The following TTK variants were observed in gnomAD, a reference collection of about 807,000 sequenced individuals.
TTK encodes dual specificity protein kinase TTK.
A neutral mutation model predicts 117.3 loss-of-function variants in TTK; 59 were observed. The ratio of observed to expected loss-of-function variants is 0.50; its 90% CI spans 0.41 to 0.62. The LOEUF is 0.62. Ranked by LOEUF, TTK falls within the 20% of genes least tolerant of loss-of-function variation. The pLI, the probability that TTK is intolerant of heterozygous loss-of-function variation, is 0.00. For missense variants in TTK, 921 were observed against 989.4 expected, an observed-to-expected ratio of 0.93 and a Z score of 0.93; for synonymous variants, 302 against 325.0, an observed-to-expected ratio of 0.93 and a Z score of 0.76.
chr6:80,026,661 T>C, intron 12 of TTK, 147 bp downstream of exon 12: 2 of 1,214,184 alleles, frequency 1.6e-6, no homozygotes, highest in South Asian at 2.9e-5. Context: ...ATCAGTGTTT[T>C]CATCTATAAA....
Position 80,035,011 on chromosome 6 carries a change from A to T in TTK, c.1641A>T (p.Lys547Asn). The change falls in exon 15 of 22, where the codon AAA becomes AAT. Residue 547 changes from lysine (K) to asparagine (N), a missense_variant. Physicochemically the swap from Lys to Asn is moderately conservative, Grantham distance 94. Transcript: ENST00000369798. ...TATTTCAGGTGTTAAATGAAAAGAA[A>T]CAGATATATGCTATAAAATATGTGA... ...SKVFQVLNEK[K>N]QIYAIKYVNL... The T allele has an allele frequency of 6.3e-7, 1 of 1,575,518 alleles. No homozygotes were observed. The highest frequency in any genetic ancestry group is 8.6e-7 in the Non-Finnish European group (1 of 1,167,512).
intron 14 of TTK, among the ~76,000 whole-genome samples, chr6:80,033,688 C>T (rs185407364): frequency 6.6e-6 from 1 of 152,200 alleles, no homozygotes; most frequent in Non-Finnish European, 1.5e-5. Flanking sequence ...CTGTAATTTC[C>T]TAATCCCACT....
Position 80,035,149 on chromosome 6 carries a change from A to C in TTK, c.1772+7A>C. The C allele has an allele frequency of 6.5e-7, 1 of 1,545,494 alleles. No homozygotes were observed. Among genetic ancestry groups the C allele is most frequent in the Non-Finnish European group, 8.7e-7 (1 of 1,151,878 alleles). On this transcript the variant is annotated splice_region_variant and intron_variant, in intron 15 of 21. Coordinates refer to ENST00000369798, the MANE Select transcript of TTK (RefSeq NM_003318.5). ...TCATCCGACTTTATGATTAGTAAGAATTCTTTTTAAATTTAAAAAGAAAAC... is the reference window on the plus strand; with the variant it reads ...TCATCCGACTTTATGATTAGTAAGACTTCTTTTTAAATTTAAAAAGAAAAC...
rs55951238 is a variant in TTK, at chr6:80,035,118, A to C, written c.1748A>C (p.Asp583Ala). The change falls in exon 15 of 22, where the codon GAT becomes GCT. Residue 583 changes from aspartate (D) to alanine (A), a missense_variant. Physicochemically the swap from Asp to Ala is moderately radical, Grantham distance 126 (BLOSUM62 -2). Coordinates refer to ENST00000369798, the MANE Select transcript of TTK (RefSeq NM_003318.5). ...AYLNKLQQHS[D>A]KIIRLYDYEI... ...TTGAATAAACTACAACAACACAGTG[A>C]TAAGATCATCCGACTTTATGATTAG... is the stretch of plus-strand genomic sequence containing the variant. 1.3e-6 allele frequency: 2 copies of C among 1,570,578 alleles called. No homozygotes were observed. The highest frequency in any genetic ancestry group is 4.5e-5 in the East Asian group (2 of 44,202).
chr6:80,013,489 A>G (rs1018137534), intron 9 of TTK, 123 bp downstream of exon 9: 2 of 733,974 alleles, frequency 2.7e-6, no homozygotes, highest in African/African-American at 1.9e-5. Context: ...AGTGTTCCAC[A>G]TACCCCAAGA....
At chr6:80,021,320 G>T (rs1347992056) in intron 10 of TTK, among the ~76,000 whole-genome samples, 1 of 152,192 alleles carries the variant, frequency 6.6e-6, no homozygotes, top group Non-Finnish European at 1.5e-5. Context: ...TCCTGCGTTG[G>T]CCTGGTAGCC....
At position 80,035,262 on chromosome 6, in the gene TTK, G is replaced by A. The variant is rs2127682443; in HGVS notation, c.1773-4G>A. 2 of 1,580,482 alleles carry A rather than the reference G, an allele frequency of 1.3e-6. No homozygotes were observed. The highest frequency in any genetic ancestry group is 1.7e-4 in the Middle Eastern group (1 of 5,876). On this transcript the variant is annotated splice_region_variant and splice_polypyrimidine_tract_variant and intron_variant, in intron 15 of 21. Coordinates refer to ENST00000369798, the MANE Select transcript of TTK (RefSeq NM_003318.5). ...TTTTGTTGCTTTTATTTGTTTAATT[G>A]CAGTGAAATCACGGACCAGTACATC... is the stretch of plus-strand genomic sequence containing the variant.
chr6:80,014,550 A>T lies in TTK; in HGVS notation c.1072A>T (p.Asn358Tyr). The stretch of plus-strand genomic sequence containing the variant: ...TATTACTGATTCAATAACCCTGAAG[A>T]ATAAAACGGAATCAAGTCTTCTAGC... ...LIITDSITLK[N>Y]KTESSLLAKL... Residue 358 changes from asparagine to tyrosine, a missense_variant, in exon 10 of 22, where the codon AAT becomes TAT. Physicochemically the swap from Asn to Tyr is moderately radical, Grantham distance 143. Transcript: ENST00000369798. 1 of 1,604,450 alleles carries T rather than the reference A, an allele frequency of 6.2e-7. No homozygotes were observed. The highest frequency in any genetic ancestry group is 2.2e-5 in the East Asian group (1 of 44,494).
chr6:80,018,413 C>T (rs557626508), intron 10 of TTK, among the ~76,000 whole-genome samples: 3 of 150,608 alleles, frequency 2.0e-5, no homozygotes, highest in Admixed American at 1.3e-4. Flanking sequence ...GTCAGGAGTT[C>T]GAAACTAGCC....
chr6:80,009,551 A>G (rs1474839362), intron 4 of TTK, among the ~76,000 whole-genome samples: 1 of 152,042 alleles, frequency 6.6e-6, no homozygotes, highest in Non-Finnish European at 1.5e-5. Flanking sequence ...TTCTTGAGGT[A>G]TTGTGGCCTC....
chr6:80,025,831 G>T (rs1342409945), intron 11 of TTK, among the ~76,000 whole-genome samples: 2 of 151,252 alleles, frequency 1.3e-5, no homozygotes, highest in East Asian at 3.9e-4. Context: ...CATTGTTTGG[G>T]GTTTGTATAG....
intron 10 of TTK, among the ~76,000 whole-genome samples, chr6:80,017,889 G>C (rs1353565583): frequency 2.6e-5 from 4 of 151,954 alleles, no homozygotes; most frequent in Non-Finnish European, 4.4e-5. Context: ...TGTATCTTTT[G>C]CTAGGTTTAT....
Position 80,015,038 on chromosome 6 carries a change from A to G in TTK, c.1108+452A>G, listed in dbSNP as rs142443463. On this transcript the variant is annotated intron_variant, in intron 10 of 21. Coordinates refer to ENST00000369798, the MANE Select transcript of TTK (RefSeq NM_003318.5). ...CAGAGATATATAAATGCAATGCTGA[A>G]TAGAATGTGGAGATTGTCATGAGAG... Among the ~76,000 whole-genome samples the G allele has an allele frequency of 2.6e-3, 389 of 152,314 alleles. 2 individuals carry two copies. Among genetic ancestry groups the G allele is most frequent in the African/African-American group, 9.0e-3 (373 of 41,582 alleles).
chr6:80,034,668 T>A (rs138351238), intron 14 of TTK, among the ~76,000 whole-genome samples: 1 of 152,134 alleles, frequency 6.6e-6, no homozygotes, highest in Admixed American at 6.6e-5. Flanking sequence ...TTATGCTGTT[T>A]CCCTGTTTAG....
chr6:80,023,315 T>C (rs1161213071), intron 11 of TTK, among the ~76,000 whole-genome samples: 1 of 152,220 alleles, frequency 6.6e-6, no homozygotes. Flanking sequence ...AACTGAGGGC[T>C]GGGCACGATG....
At chr6:80,039,153 C>T (rs1334920469) in intron 18 of TTK, among the ~76,000 whole-genome samples, 1 of 151,992 alleles carries the variant, frequency 6.6e-6, no homozygotes, top group East Asian at 1.9e-4. Flanking sequence ...AAAAGAATTG[C>T]TAACTGAATT....
In TTK at chr6:80,036,619, C is replaced by T. The variant is rs1449710081; in HGVS notation, c.2049+20C>T. The T allele has an allele frequency of 6.3e-7, 1 of 1,597,324 alleles. No individual in the cohort carries two copies. Among genetic ancestry groups the T allele is most frequent in the Non-Finnish European group, 8.5e-7 (1 of 1,172,872 alleles). On this transcript the variant is annotated intron_variant, in intron 17 of 21. Transcript: ENST00000369798. ...TCTCAGGTAAGACTTAATGTTGGTT[C>T]TCTCACAGTAGAGTTCAATTCTTTT...
Position 80,039,718 on chromosome 6 carries a change from G to C in TTK, c.2153G>C (p.Trp718Ser), listed in dbSNP as rs1420084218. The change falls in exon 19 of 22, where the codon TGG becomes TCG. Residue 718 changes from tryptophan (W) to serine (S), a missense_variant. Trp to Ser is a radical substitution (Grantham distance 177, BLOSUM62 -3). Coordinates refer to ENST00000369798, the MANE Select transcript of TTK (RefSeq NM_003318.5). ...KSKISPKSDV[W>S]SLGCILYYMT... ...TAGATAAGCCCCAAAAGTGATGTTT[G>C]GTCCTTAGGATGTATTTTGTACTAT... 1 of 1,533,306 alleles carries C rather than the reference G, an allele frequency of 6.5e-7. No homozygotes were observed. The highest frequency in any genetic ancestry group is 2.5e-5 in the East Asian group (1 of 40,450). The allele number at this position is 1,533,306 out of a possible 1,614,324, so 95.0% of individuals were successfully genotyped here.
chr6:80,026,571 G>A (rs1767613981), intron 12 of TTK, 57 bp downstream of exon 12: 1 of 1,591,720 alleles, frequency 6.3e-7, no homozygotes, highest in East Asian at 2.3e-5. Flanking sequence ...ATTAACATGG[G>A]CTTCTGGGCC....
Sources: gnomAD v4.1 joint callset for allele counts (sites outside exome capture counted in the v4.1 genomes callset) on GRCh38, gnomAD v4.1.1 for gene constraint, MANE v1.5 for transcripts, NCBI Gene and HGNC (gene_info 2026-07-23, HGNC 2026-07-21) for gene names.